SIDT1: variants seen among roughly 807,000 people sequenced by gnomAD.
SIDT1 encodes the protein SID1 transmembrane family member 1.
SIDT1 carries 101 observed loss-of-function variants against 107.5 expected under a neutral mutation model. The observed-to-expected ratio is 0.94, with a 90% CI of 0.80 to 1.11. The LOEUF (loss-of-function observed/expected upper bound fraction) is 1.11, where lower values mean the gene tolerates loss of function less well. Ranked by LOEUF, SIDT1 falls within the 50% of genes least tolerant of loss-of-function variation. The pLI, the probability that SIDT1 is intolerant of heterozygous loss-of-function variation, is 0.00. For synonymous variants in SIDT1, 395 were observed against 398.2 expected, an observed-to-expected ratio of 0.99 and a Z score of 0.10; for missense variants, 1,076 against 1,058.2, an observed-to-expected ratio of 1.02 and a Z score of -0.23.
At chr3:113,613,504 T>C (rs1945896322) in intron 19 of SIDT1, among the ~76,000 whole-genome samples, 1 of 152,222 alleles carries the variant, frequency 6.6e-6, no homozygotes, top group South Asian at 2.1e-4. Context: ...CAATTGCTCG[T>C]TTTCAAAGGT....
intron 21 of SIDT1, among the ~76,000 whole-genome samples, chr3:113,621,464 G>T (rs1025910171): frequency 6.6e-6 from 1 of 151,690 alleles, no homozygotes; most frequent in Non-Finnish European, 1.5e-5. Context: ...AAAAAAGAAC[G>T]AAGTCAGTTG....
chr3:113,583,184 G>C (rs9854140), intron 6 of SIDT1, among the ~76,000 whole-genome samples: 3 of 151,788 alleles, frequency 2.0e-5, no homozygotes, highest in Admixed American at 1.3e-4. Flanking sequence ...TTGAAATCAG[G>C]AATGTATATC....
At position 113,623,730 on chromosome 3, in the gene SIDT1, G is replaced by A. The variant is rs771637541; in HGVS notation, c.2304G>A (p.Trp768Ter). 7.5e-6 allele frequency: 12 copies of A among 1,609,098 alleles called. No homozygotes were observed. In the South Asian group the frequency reaches 1.3e-4, roughly 18 times the overall value. ...LYFFFQNLSS[W>*]EGTPAESREK... ...TTTTCTTCCAGAATCTCAGCAGCTG[G>A]GAGGTAAGAGGCCAGTTTTCTTATC... Residue 768 changes from tryptophan (W) to a stop codon, truncating the protein, a stop_gained, in exon 23 of 25, where the codon TGG (tryptophan) becomes TGA (stop). Coordinates refer to ENST00000264852, the MANE Select transcript of SIDT1 (RefSeq NM_017699.3). LOFTEE classifies it high-confidence loss of function.
In SIDT1 at chr3:113,603,993, G is replaced by A. The variant is rs867527653; in HGVS notation, c.1297G>A (p.Asp433Asn). The A allele has an allele frequency of 1.2e-6, 2 of 1,611,804 alleles. No homozygotes were observed. The highest frequency in any genetic ancestry group is 1.1e-5 in the South Asian group (1 of 90,570). The change falls in exon 13 of 25, where the codon GAC (aspartate) becomes AAC (asparagine). Residue 433 changes from aspartate to asparagine, a missense_variant. Transcript: ENST00000264852. ...TTACCTGTCAGATTTGTCCAGGAAG[G>A]ACCGGAGAATTGTCAGCAAAAAATA... ...FLYLSDLSRK[D>N]RRIVSKKYKI...
chr3:113,623,432 TC>T lies in SIDT1; in HGVS notation c.2097del (p.Phe700LeufsTer3). ...VGNLVNWSFA[L>X]FGLIYRPRDF... ...CATTTCTCCCACGCCTGCAGCGCCCTCTTTGGATTGATATACCGCCCCAGGG... is the reference window on the plus strand; with the variant it reads ...CATTTCTCCCACGCCTGCAGCGCCCTTTTGGATTGATATACCGCCCCAGGG... On this transcript the variant is annotated frameshift_variant, in exon 22 of 25. Transcript: ENST00000264852. LOFTEE classifies it high-confidence loss of function. 1 of 1,612,418 alleles carries T rather than the reference TC, an allele frequency of 6.2e-7. No individual in the cohort carries two copies. The highest frequency in any genetic ancestry group is 1.1e-5 in the South Asian group (1 of 91,054).
chr3:113,585,120 ATGG>A, intron 8 of SIDT1, 54 bp from the exon 9 acceptor site: 1 of 1,223,890 alleles, frequency 8.2e-7, no homozygotes, highest in Admixed American at 1.7e-5. Context: ...CCTGTCTCAG[ATGG>A]AGTCTTCTTT....
chr3:113,604,866 G>C, intron 13 of SIDT1, 44 bp from the exon 14 acceptor site: 1 of 1,606,708 alleles, frequency 6.2e-7, no homozygotes, highest in Non-Finnish European at 8.5e-7. Context: ...AGACTCCACT[G>C]TTCATTTGAA....
At chr3:113,627,101 T>A (rs57010522) in intron 24 of SIDT1, among the ~76,000 whole-genome samples, 3 of 152,158 alleles carry the variant, frequency 2.0e-5, no homozygotes, top group Non-Finnish European at 4.4e-5. Flanking sequence ...AGTAGTCAAA[T>A]GAACTAGAAA....
chr3:113,621,332 C>T (rs935707061), intron 21 of SIDT1, among the ~76,000 whole-genome samples: 1 of 151,886 alleles, frequency 6.6e-6, no homozygotes, highest in African/African-American at 2.4e-5. Flanking sequence ...AGGCCAGGTG[C>T]AGTGGCTCAC....
Position 113,581,386 on chromosome 3 carries a change from A to G in SIDT1, c.689A>G (p.Asn230Ser). 1.2e-6 allele frequency: 2 copies of G among 1,613,398 alleles called. No homozygotes were observed. The highest frequency in any genetic ancestry group is 1.7e-6 in the Non-Finnish European group (2 of 1,179,738). Residue 230 changes from asparagine to serine, a missense_variant, in exon 6 of 25, where the codon AAT becomes AGT. Transcript: ENST00000264852. The part of the protein sequence containing the change: ...IMCPVYDLDH[N>S]VEFNGVYQSM... ...TGCCCGGTGTATGATCTCGACCACA[A>G]TGTGGAATTTAATGGTGTCTATCAG... is the stretch of plus-strand genomic sequence containing the variant.
intron 3 of SIDT1, among the ~76,000 whole-genome samples, chr3:113,571,293 C>T (rs1042944770): frequency 6.6e-6 from 1 of 152,086 alleles, no homozygotes; most frequent in East Asian, 1.9e-4. Context: ...TGGTGTGTGC[C>T]TGTAGATCCA....
intron 1 of SIDT1, among the ~76,000 whole-genome samples, chr3:113,551,275 T>C (rs932199160): frequency 1.1e-4 from 17 of 152,234 alleles, no homozygotes; most frequent in Non-Finnish European, 5.9e-5. Flanking sequence ...TTTGGGCATA[T>C]ACCCAGTAAT....
In SIDT1 at chr3:113,604,969, A is replaced by G. The variant is rs151104755; in HGVS notation, c.1397A>G (p.Tyr466Cys). ...CCCGTGATCCAGCTGGTCATTACCT[A>G]TCAGACAGTAAGTGCTGCCCCAGCC... Reference protein sequence around the residue: ...ALPVIQLVITYQTVVNVTGNQ... With the variant: ...ALPVIQLVITCQTVVNVTGNQ... Residue 466 changes from tyrosine (Y) to cysteine (C), a missense_variant, in exon 14 of 25, where the codon TAT becomes TGT. Coordinates refer to ENST00000264852, the MANE Select transcript of SIDT1 (RefSeq NM_017699.3). 6.2e-7 allele frequency: 1 copy of G among 1,613,910 alleles called. No homozygotes were observed. Among genetic ancestry groups the G allele is most frequent in the East Asian group, 2.2e-5 (1 of 44,884 alleles).
At chr3:113,555,867 T>G (rs1162331070) in intron 1 of SIDT1, among the ~76,000 whole-genome samples, 1 of 67,850 alleles carries the variant, frequency 1.5e-5, no homozygotes, top group Non-Finnish European at 3.4e-5. Context: ...TTTTTTTTTT[T>G]GCCCGGGGTG....
chr3:113,580,658 G>A lies in SIDT1; in HGVS notation c.612G>A (p.Val204=). The change falls in exon 5 of 25, where the codon GTG becomes GTA. Residue 204 remains valine, a synonymous_variant. Transcript: ENST00000264852. ...ACGTGGACTCAGTTATCATTAAAGT[G>A]GTGTCTGAAATGGCTTATCCATGTT... is the stretch of plus-strand genomic sequence containing the variant. ...PKDVDSVIIK[V]VSEMAYPCSV... 1 of 1,613,554 alleles carries A rather than the reference G, an allele frequency of 6.2e-7. No homozygotes were observed. The highest frequency in any genetic ancestry group is 8.5e-7 in the Non-Finnish European group (1 of 1,179,572).
chr3:113,632,060 C>CT (rs895185415), downstream of SIDT1, among the ~76,000 whole-genome samples: 23 of 151,302 alleles, frequency 1.5e-4, no homozygotes, highest in Non-Finnish European at 2.5e-4. Flanking sequence ...CAATAGCTGA[C>CT]TTTTTTTTTA....
intron 18 of SIDT1, among the ~76,000 whole-genome samples, chr3:113,611,572 C>A (rs532549340): frequency 1.3e-5 from 2 of 152,190 alleles, no homozygotes; most frequent in Non-Finnish European, 2.9e-5. Context: ...CTGCCCACCT[C>A]GGCCTCCCAA....
At chr3:113,605,163 C>T (rs1387076060) in intron 14 of SIDT1, among the ~76,000 whole-genome samples, 187 bp downstream of exon 14, 1 of 131,588 alleles carries the variant, frequency 7.6e-6, no homozygotes, top group East Asian at 2.3e-4. Flanking sequence ...CGCTCTGTCA[C>T]CCTGGCTGGA....
intron 1 of SIDT1, among the ~76,000 whole-genome samples, chr3:113,551,173 A>C (rs1325206305): frequency 6.6e-6 from 1 of 152,226 alleles, no homozygotes; most frequent in East Asian, 1.9e-4. Flanking sequence ...ATTGATTGAC[A>C]TTTAGGTTGA....
Sources: allele counts gnomAD v4.1 joint callset (sites outside exome capture counted in the v4.1 genomes callset), GRCh38; gene constraint gnomAD v4.1.1; transcripts MANE v1.5; gene names NCBI Gene and HGNC (gene_info 2026-07-23, HGNC 2026-07-21).